Variants in IPO9 observed in about 807,000 individuals in gnomAD.
IPO9 encodes importin 9.
Under a neutral mutation model 128.6 loss-of-function variants are expected in IPO9, and 28 were observed. The observed-to-expected ratio is 0.22, with a 90% confidence interval of 0.16 to 0.30. The LOEUF (loss-of-function observed/expected upper bound fraction) is 0.30. Among genes scored for constraint, IPO9 ranks in the 10% least tolerant of loss-of-function variants. The probability of loss-of-function intolerance (pLI) is 1.00; values close to 1 mark genes in which losing one functional copy is unlikely to be tolerated. For missense variants in IPO9, 935 were observed against 1,293.9 expected, an observed-to-expected ratio of 0.72 and a Z score of 4.26; for synonymous variants, 455 against 475.8, an observed-to-expected ratio of 0.96 and a Z score of 0.57.
chr1:201,829,161 T>G lies in IPO9; in HGVS notation c.-49T>G. The G allele has an allele frequency of 7.1e-7, 1 of 1,412,182 alleles. No individual in the cohort carries two copies. The highest frequency in any genetic ancestry group is 9.2e-7 in the Non-Finnish European group (1 of 1,086,564). The allele number at this position is 1,412,182 out of a possible 1,614,324, so 87.5% of individuals were successfully genotyped here. On this transcript the variant is annotated 5_prime_UTR_variant, in exon 1 of 24. Coordinates refer to ENST00000361565, the MANE Select transcript of IPO9 (RefSeq NM_018085.5). ...GATTGGCCGCGCGCGGGGGCCGTCATTCGGTGGCGGGTCCCGGCCGCGGGG... is the reference window on the plus strand; with the variant it reads ...GATTGGCCGCGCGCGGGGGCCGTCAGTCGGTGGCGGGTCCCGGCCGCGGGG...
chr1:201,843,140 G>C (rs1036936720), intron 1 of IPO9, among the ~76,000 whole-genome samples: 1 of 152,182 alleles, frequency 6.6e-6, no homozygotes, highest in African/African-American at 2.4e-5. Context: ...ACCCCCTTCA[G>C]ATAGGGTTAG....
chr1:201,849,419 C>T (rs1204826974), intron 4 of IPO9, among the ~76,000 whole-genome samples: 2 of 152,180 alleles, frequency 1.3e-5, no homozygotes, highest in Non-Finnish European at 2.9e-5. Flanking sequence ...GAAATTCTTA[C>T]CTGGACTTTA....
At chr1:201,856,369 C>CATT (rs1237707573) in intron 10 of IPO9, among the ~76,000 whole-genome samples, 7 of 152,066 alleles carry the variant, frequency 4.6e-5, no homozygotes, top group Non-Finnish European at 8.8e-5. Flanking sequence ...ATAATCAGAC[C>CATT]ATTAGCCTGA....
At chr1:201,874,630 A>G (rs1680723792) in intron 21 of IPO9, among the ~76,000 whole-genome samples, 1 of 152,152 alleles carries the variant, frequency 6.6e-6, no homozygotes, top group Non-Finnish European at 1.5e-5. Flanking sequence ...GATTCTTCTT[A>G]AGAGCCTGTC....
At chr1:201,848,013 A>G (rs1680151252) in intron 3 of IPO9, among the ~76,000 whole-genome samples, 1 of 152,192 alleles carries the variant, frequency 6.6e-6, no homozygotes, top group Non-Finnish European at 1.5e-5. Flanking sequence ...TTTGAGGTAT[A>G]AGGTCTGGAG....
chr1:201,859,107 A>G (rs1680388182), intron 13 of IPO9, 113 bp downstream of exon 13: 2 of 974,156 alleles, frequency 2.1e-6, no homozygotes, highest in African/African-American at 1.6e-5. Context: ...TAATGGGTGC[A>G]GCACACCAAC....
At chr1:201,864,031 A>C (rs574297879) in intron 14 of IPO9, among the ~76,000 whole-genome samples, 8 of 136,532 alleles carry the variant, frequency 5.9e-5, no homozygotes, top group African/African-American at 2.0e-4. Context: ...ATTTTTTCCC[A>C]GTTTTACCTA....
chr1:201,865,896 T>C (rs1680546681), intron 14 of IPO9, among the ~76,000 whole-genome samples: 1 of 152,140 alleles, frequency 6.6e-6, no homozygotes, highest in Admixed American at 6.5e-5. Flanking sequence ...GTTCGCTCCA[T>C]TTCCCACTTC....
chr1:201,830,878 C>T (rs925113995), intron 1 of IPO9, among the ~76,000 whole-genome samples: 4 of 152,230 alleles, frequency 2.6e-5, no homozygotes, highest in African/African-American at 4.8e-5. Context: ...TGTATTTAAA[C>T]TGTCTTACAA....
rs770765770 is a variant in IPO9, at chr1:201,880,973, T to A, written c.*4919T>A. 6.6e-6 allele frequency: 1 copy of A among 152,236 alleles called. No individual in the cohort carries two copies. The allele number at this position is 152,236 out of a possible 1,614,324, so 9.4% of individuals were successfully genotyped here. A position where few individuals can be genotyped will look rare whatever the true frequency, so the allele number is the denominator to read the frequency against. On this transcript the variant is annotated 3_prime_UTR_variant, in exon 24 of 24. Coordinates refer to ENST00000361565, the MANE Select transcript of IPO9 (RefSeq NM_018085.5). ...TTTAAGGTAGCCTAGGTGTATTAAATGCATTTTTCACTTAACGGTATTTTC... is the reference window on the plus strand; with the variant it reads ...TTTAAGGTAGCCTAGGTGTATTAAAAGCATTTTTCACTTAACGGTATTTTC...
At chr1:201,859,133 A>G (rs1231265727) in intron 13 of IPO9, 139 bp downstream of exon 13, 1 of 519,372 alleles carries the variant, frequency 1.9e-6, no homozygotes, top group East Asian at 3.4e-5. Flanking sequence ...ACATGTATAC[A>G]TATGTAACCT....
chr1:201,857,038 G>T, intron 10 of IPO9, 58 bp from the exon 11 acceptor site: 1 of 1,065,990 alleles, frequency 9.4e-7, no homozygotes, highest in Non-Finnish European at 1.5e-6. Context: ...TGTATCTGTT[G>T]ATGAAAAGCT....
rs187229910 is a variant in IPO9 at position 201,878,105 on chromosome 1, G to A, written c.*2051G>A. 8 of 152,250 alleles carry A rather than the reference G, an allele frequency of 5.3e-5. No individual in the cohort carries two copies. Among genetic ancestry groups the A allele is most frequent in the African/African-American group, 1.7e-4 (7 of 41,540 alleles). The allele number at this position is 152,250 out of a possible 1,614,324, so 9.4% of individuals were successfully genotyped here. On this transcript the variant is annotated 3_prime_UTR_variant, in exon 24 of 24. Coordinates refer to ENST00000361565, the MANE Select transcript of IPO9 (RefSeq NM_018085.5). Reference sequence around the variant, plus strand: ...TTTTTACTACCTTTGAGAAGCCTGCGGGCATGTTCACAGTCGTCCCATGCC... The same window carrying A: ...TTTTTACTACCTTTGAGAAGCCTGCAGGCATGTTCACAGTCGTCCCATGCC...
chr1:201,858,508 A>G lies in IPO9; in HGVS notation c.1283A>G (p.His428Arg). The G allele has an allele frequency of 1.3e-6, 2 of 1,595,896 alleles. No individual in the cohort carries two copies. The highest frequency in any genetic ancestry group is 2.3e-5 in the South Asian group (2 of 88,632). ...GCCCTGGCTGCTGCAGCCACTCGAC[A>G]TTTACAAGAAGCTGAGCAAACCAAA... ...AAALAAAATR[H>R]LQEAEQTKNS... The change falls in exon 12 of 24, where the codon CAT becomes CGT. Residue 428 changes from histidine to arginine, a missense_variant. Physicochemically the swap from His to Arg is conservative, Grantham distance 29. Around this residue, in one of 3 missense-constraint regions of IPO9, gnomAD observed 741 missense variants for 1,019.1 expected, o/e 0.73. Transcript: ENST00000361565.
In IPO9 at chr1:201,854,871, A is replaced by G; in HGVS notation, c.859A>G (p.Met287Val). 6.2e-7 allele frequency: 1 copy of G among 1,611,664 alleles called. No homozygotes were observed. The highest frequency in any genetic ancestry group is 1.1e-5 in the South Asian group (1 of 90,562). The change falls in exon 8 of 24, where the codon ATG becomes GTG. Residue 287 changes from methionine to valine, a missense_variant. Around this residue, in one of 3 missense-constraint regions of IPO9, gnomAD observed 741 missense variants for 1,019.1 expected, o/e 0.73. Coordinates refer to ENST00000361565, the MANE Select transcript of IPO9 (RefSeq NM_018085.5). ...CTTCCCAAAGCACATGGTGTCCTCC[A>G]TGCAGCAGATTCTGCCTATTGTTTG... The part of the protein sequence containing the change: ...KNFPKHMVSS[M>V]QQILPIVWNT...
At chr1:201,836,010 G>T (rs1056218595) in intron 1 of IPO9, among the ~76,000 whole-genome samples, 7 of 151,454 alleles carry the variant, frequency 4.6e-5, no homozygotes, top group Non-Finnish European at 8.8e-5. Flanking sequence ...TATTCTGGAG[G>T]CTGAGGTAGG....
In IPO9 at chr1:201,853,197, A is replaced by G. The variant is rs529804411; in HGVS notation, c.690+100A>G. On this transcript the variant is annotated intron_variant, in intron 6 of 23. Coordinates refer to ENST00000361565, the MANE Select transcript of IPO9 (RefSeq NM_018085.5). ...TGATAGCAGCACGAAAAAGCACACTAACCAGTATTAGAGATAGATTTAACA... is the reference window on the plus strand; with the variant it reads ...TGATAGCAGCACGAAAAAGCACACTGACCAGTATTAGAGATAGATTTAACA... 35 of 874,234 alleles carry G rather than the reference A, an allele frequency of 4.0e-5. No individual in the cohort carries two copies. In the South Asian group the frequency reaches 4.6e-4, roughly 11 times the overall value. 54.2% of individuals were successfully genotyped at this position (874,234 alleles called of 1,614,324 possible).
Position 201,882,576 on chromosome 1 carries a change from T to C in IPO9, c.*6522T>C, listed in dbSNP as rs1333180873. 6.6e-6 allele frequency: 1 copy of C among 152,184 alleles called. No homozygotes were observed. Among genetic ancestry groups the C allele is most frequent in the African/African-American group, 2.4e-5 (1 of 41,448 alleles). The allele number at this position is 152,184 out of a possible 1,614,324, so 9.4% of individuals were successfully genotyped here. A position where few individuals can be genotyped will look rare whatever the true frequency, so the allele number is the denominator to read the frequency against. On this transcript the variant is annotated 3_prime_UTR_variant, in exon 24 of 24. Coordinates refer to ENST00000361565, the MANE Select transcript of IPO9 (RefSeq NM_018085.5). ...GTAACTGGGAAAAGGGTGGCATTAC[T>C]GCTGGCTTCCTAAAATTGAAAAGTA...
intron 1 of IPO9, among the ~76,000 whole-genome samples, chr1:201,831,712 A>G (rs1679835685): frequency 6.6e-6 from 1 of 152,134 alleles, no homozygotes; most frequent in African/African-American, 2.4e-5. Context: ...ACCCTTCTTT[A>G]CATGAAAACA....
Sources: allele counts gnomAD v4.1 joint callset (sites outside exome capture counted in the v4.1 genomes callset), GRCh38; gene constraint gnomAD v4.1.1; regional missense constraint gnomAD v4.1.1; transcripts MANE v1.5; gene names NCBI Gene and HGNC (gene_info 2026-07-23, HGNC 2026-07-21).